Variants in NUDT2 observed in about 807,000 individuals in gnomAD.
NUDT2 encodes nudix hydrolase 2, also known as bis(5'-nucleosyl)-tetraphosphatase [asymmetrical].
A neutral mutation model predicts 14.2 loss-of-function variants in NUDT2; 12 were observed. The ratio of observed to expected loss-of-function variants is 0.84; its 90% CI spans 0.54 to 1.37. NUDT2 has a LOEUF of 1.37. Among genes scored for constraint, NUDT2 ranks in the 40% most tolerant of loss-of-function variants. NUDT2 has a pLI of 0.00. For synonymous variants in NUDT2, 67 were observed against 67.4 expected (o/e 0.99, Z 0.03); for missense variants, 167 against 176.7 (o/e 0.95, Z 0.31).
chr9:34,336,750 T>G (rs1838098134), intron 2 of NUDT2, among the ~76,000 whole-genome samples: 2 of 151,964 alleles, frequency 1.3e-5, no homozygotes, highest in Non-Finnish European at 1.5e-5. Flanking sequence ...CACTGTGTTG[T>G]CCGGACTGGT....
chr9:34,333,013 ATTGC>A (rs1377154597), intron 1 of NUDT2, among the ~76,000 whole-genome samples: 2 of 152,110 alleles, frequency 1.3e-5, no homozygotes, highest in African/African-American at 4.8e-5. Context: ...GTCACATAGA[ATTGC>A]TTGTGGGCAG....
chr9:34,330,636 T>G lies in NUDT2; in HGVS notation c.-265+1037T>G, dbSNP rs1434252555. 2.0e-5 allele frequency among the ~76,000 whole-genome samples: 3 copies of G among 152,124 alleles called. No homozygotes were observed. The East Asian group carries it at 5.8e-4, about 29-fold the overall frequency. On this transcript the variant is annotated intron_variant, in intron 1 of 4. Transcript: ENST00000379158. ...AGTGAAATAATGAAGGTAAAGCACT[T>G]GACACAACGCCTGGCGAGTAGTAAC...
At chr9:34,337,021 CAG>C (rs1838107827) in intron 2 of NUDT2, among the ~76,000 whole-genome samples, 1 of 102,806 alleles carries the variant, frequency 9.7e-6, no homozygotes, top group Non-Finnish European at 1.9e-5. Flanking sequence ...TTTTTTGAGA[CAG>C]AGTTTCGCTC....
intron 2 of NUDT2, among the ~76,000 whole-genome samples, chr9:34,338,327 T>TAAAAAAAAAAAAAAAAAAAAAAAAAAA (rs61594121): frequency 2.4e-4 from 8 of 33,738 alleles, no homozygotes; most frequent in South Asian, 2.6e-3. Context: ...ACCCTGTCTC[T>TAAAAAAAAAAAAAAAAAAAAAAAAAAA]AAAAAAAAAA....
chr9:34,336,996 C>CTTTTTTTTTTTTTTTTTT (rs145996244), intron 2 of NUDT2, among the ~76,000 whole-genome samples: 1 of 109,212 alleles, frequency 9.2e-6, no homozygotes. Context: ...ATATGTACAT[C>CTTTTTTTTTTTTTTTTTT]TTTTTTTTTT....
chr9:34,333,027 G>A (rs1379723217), intron 1 of NUDT2, among the ~76,000 whole-genome samples: 3 of 152,044 alleles, frequency 2.0e-5, no homozygotes, highest in African/African-American at 7.3e-5. Flanking sequence ...CTTGTGGGCA[G>A]GCAAACAGTT....
At chr9:34,338,544 A>G (rs1013320389) in intron 2 of NUDT2, among the ~76,000 whole-genome samples, 169 bp from the exon 3 acceptor site, 110 of 142,832 alleles carry the variant, frequency 7.7e-4, no homozygotes, top group Non-Finnish European at 4.0e-4. Context: ...ATTTTTTTCT[A>G]TATGAAGTTA....
chr9:34,333,049 T>A (rs183598152), intron 1 of NUDT2, among the ~76,000 whole-genome samples: 294 of 152,244 alleles, frequency 1.9e-3, no homozygotes, highest in Non-Finnish European at 3.2e-3. Flanking sequence ...GCTTTCCTCC[T>A]CATCTGGAGG....
chr9:34,333,414 G>A (rs781200934), intron 1 of NUDT2, among the ~76,000 whole-genome samples: 19 of 151,952 alleles, frequency 1.3e-4, no homozygotes, highest in African/African-American at 1.9e-4. Context: ...GTCACTTAAG[G>A]CCAGGAGTTC....
At chr9:34,341,787 G>T (rs1049877183) in intron 4 of NUDT2, among the ~76,000 whole-genome samples, 1 of 152,222 alleles carries the variant, frequency 6.6e-6, no homozygotes, top group Admixed American at 6.5e-5. Flanking sequence ...TGGGATTACA[G>T]GCATGAGCCA....
At chr9:34,339,957 C>A (rs1482766185) in intron 4 of NUDT2, among the ~76,000 whole-genome samples, 1 of 149,634 alleles carries the variant, frequency 6.7e-6, no homozygotes, top group African/African-American at 2.4e-5. Flanking sequence ...TTTTTTGAGA[C>A]AAAGTCTCGC....
chr9:34,338,023 T>TA (rs1381228655), intron 2 of NUDT2, among the ~76,000 whole-genome samples: 1 of 151,386 alleles, frequency 6.6e-6, no homozygotes, highest in Non-Finnish European at 1.5e-5. Flanking sequence ...TTTGTATTTT[T>TA]AGTAGAGACA....
intron 4 of NUDT2, 104 bp downstream of exon 4, chr9:34,339,270 A>G: frequency 7.0e-7 from 1 of 1,427,588 alleles, no homozygotes; most frequent in South Asian, 1.3e-5. Flanking sequence ...CTGTGTAGCA[A>G]AAAGGGGTAG....
chr9:34,330,209 C>G (rs956554008), intron 1 of NUDT2, among the ~76,000 whole-genome samples: 1 of 152,124 alleles, frequency 6.6e-6, no homozygotes, highest in African/African-American at 2.4e-5. Context: ...CGAGACCATC[C>G]TGGCTAACAC....
chr9:34,329,819 C>CT (rs1837834724), intron 1 of NUDT2, among the ~76,000 whole-genome samples: 4 of 151,618 alleles, frequency 2.6e-5, no homozygotes. Flanking sequence ...TTCCCTGACT[C>CT]TGAGCCTTGC....
intron 1 of NUDT2, among the ~76,000 whole-genome samples, chr9:34,330,252 A>G (rs1325425518): frequency 6.6e-6 from 1 of 152,136 alleles, no homozygotes; most frequent in Non-Finnish European, 1.5e-5. Flanking sequence ...ACAAAATACA[A>G]AAGTTAGCCA....
intron 1 of NUDT2, among the ~76,000 whole-genome samples, chr9:34,330,710 C>G (rs1837891636): frequency 2.0e-5 from 3 of 152,298 alleles, no homozygotes; most frequent in South Asian, 4.1e-4. Context: ...GCCTGTAATC[C>G]TAGCCCTTTG....
chr9:34,332,831 C>T (rs1211458272), intron 1 of NUDT2, among the ~76,000 whole-genome samples: 1 of 152,148 alleles, frequency 6.6e-6, no homozygotes, highest in African/African-American at 2.4e-5. Context: ...TTTTCTTTTG[C>T]ATTTCTTTCT....
At chr9:34,330,151 C>T (rs1587984776) in intron 1 of NUDT2, among the ~76,000 whole-genome samples, 1 of 152,332 alleles carries the variant, frequency 6.6e-6, no homozygotes, top group East Asian at 1.9e-4. Context: ...CGCCTGTAAT[C>T]CCAGCATTTT....
Sources: allele counts gnomAD v4.1 joint callset (sites outside exome capture counted in the v4.1 genomes callset), GRCh38; gene constraint gnomAD v4.1.1; transcripts MANE v1.5; gene names NCBI Gene and HGNC (gene_info 2026-07-23, HGNC 2026-07-21).